KCTD18: variants seen among roughly 807,000 people sequenced by gnomAD.
KCTD18 encodes the protein BTB/POZ domain-containing protein KCTD18.
KCTD18 carries 22 observed loss-of-function variants against 30.4 expected under a neutral mutation model. The ratio of observed to expected loss-of-function variants is 0.72; its 90% CI spans 0.52 to 1.03. KCTD18 has a LOEUF of 1.03. Ranked by LOEUF, KCTD18 falls within the 50% of genes least tolerant of loss-of-function variation. The pLI, the probability that KCTD18 is intolerant of heterozygous loss-of-function variation, is 0.00. For synonymous variants in KCTD18, 186 were observed against 209.0 expected (o/e 0.89, Z 0.95); for missense variants, 529 against 547.6 (o/e 0.97, Z 0.34).
intron 4 of KCTD18, among the ~76,000 whole-genome samples, chr2:200,498,179 T>C (rs2106280052): frequency 6.6e-6 from 1 of 152,266 alleles, no homozygotes; most frequent in African/African-American, 2.4e-5. Context: ...AATATTCACG[T>C]TTCACCAGCA....
chr2:200,490,730 G>T (rs1193515512), intron 6 of KCTD18, 114 bp from the exon 7 acceptor site: 4 of 1,203,772 alleles, frequency 3.3e-6, no homozygotes, highest in African/African-American at 3.0e-5. Context: ...GAATTAAAGA[G>T]TCAAGAGGTT....
At chr2:200,504,662 G>C (rs933023323) in intron 3 of KCTD18, 86 bp downstream of exon 3, 1 of 942,184 alleles carries the variant, frequency 1.1e-6, no homozygotes, top group Non-Finnish European at 1.6e-6. Context: ...TTTGGTTAAT[G>C]TGAAAACACA....
intron 5 of KCTD18, among the ~76,000 whole-genome samples, chr2:200,494,551 T>C (rs1574798138): frequency 6.6e-6 from 1 of 152,208 alleles, no homozygotes; most frequent in Non-Finnish European, 1.5e-5. Flanking sequence ...GATAGACATA[T>C]CTGATACTCA....
intron 5 of KCTD18, among the ~76,000 whole-genome samples, chr2:200,495,603 T>TA (rs1236869278): frequency 1.3e-5 from 2 of 152,144 alleles, no homozygotes; most frequent in Admixed American, 6.5e-5. Flanking sequence ...ATCTGGTATA[T>TA]AAAAAATTGT....
At chr2:200,493,338 T>C (rs963822650) in intron 5 of KCTD18, 64 bp from the exon 6 acceptor site, 3 of 976,290 alleles carry the variant, frequency 3.1e-6, no homozygotes, top group Non-Finnish European at 5.0e-6. Context: ...AGCAACACTG[T>C]TTCGCCTAAG....
At chr2:200,501,498 AAAG>A (rs2088084252) in intron 3 of KCTD18, among the ~76,000 whole-genome samples, 1 of 142,406 alleles carries the variant, frequency 7.0e-6, no homozygotes, top group Non-Finnish European at 1.5e-5. Context: ...ACACTTCTCA[AAAG>A]AAGACATTTA....
chr2:200,509,710 G>A lies in KCTD18; in HGVS notation c.-158C>T, dbSNP rs2030415750. On this transcript the variant is annotated 5_prime_UTR_variant, in exon 1 of 7. Transcript: ENST00000359878. ...CAGTTCCTCAGAAAGTCTGAGGAGG[G>A]GTCGGGATCTGCCCGCGAACCCCAC... is the stretch of plus-strand genomic sequence containing the variant. The A allele has an allele frequency of 6.6e-6, 1 of 152,254 alleles. No homozygotes were observed. The highest frequency in any genetic ancestry group is 1.5e-5 in the Non-Finnish European group (1 of 68,078). The allele number at this position is 152,254 out of a possible 1,614,324, so 9.4% of individuals were successfully genotyped here.
intron 5 of KCTD18, among the ~76,000 whole-genome samples, chr2:200,495,607 A>T (rs1159809587): frequency 6.6e-6 from 1 of 152,192 alleles, no homozygotes; most frequent in Non-Finnish European, 1.5e-5. Flanking sequence ...GGTATATAAA[A>T]AATTGTTTTT....
chr2:200,502,651 A>C (rs1052275053), intron 3 of KCTD18, among the ~76,000 whole-genome samples: 5 of 152,220 alleles, frequency 3.3e-5, no homozygotes, highest in Admixed American at 2.0e-4. Context: ...ACAATGAACA[A>C]TGGTGAGACA....
chr2:200,493,228 A>T lies in KCTD18; in HGVS notation c.708T>A (p.Thr236=). Residue 236 remains threonine (T), a synonymous_variant, in exon 6 of 7, where the codon ACT becomes ACA. Coordinates refer to ENST00000359878, the MANE Select transcript of KCTD18 (RefSeq NM_152387.4). ...TTCCAAGTAAAGGCCGTTCTTCTAG[A>T]GTCCAACACTCTATCAGCTCATGAG... ...RVPHELIECW[T]LEERPLLGSL... The T allele has an allele frequency of 6.2e-7, 1 of 1,613,542 alleles. No homozygotes were observed. The highest frequency in any genetic ancestry group is 8.5e-7 in the Non-Finnish European group (1 of 1,179,638).
At chr2:200,492,511 C>T (rs1453966040) in intron 6 of KCTD18, among the ~76,000 whole-genome samples, 1 of 152,160 alleles carries the variant, frequency 6.6e-6, no homozygotes, top group South Asian at 2.1e-4. Flanking sequence ...AGCATCTCCG[C>T]ATTTCAGTGA....
intron 5 of KCTD18, among the ~76,000 whole-genome samples, chr2:200,495,705 C>A (rs891442874): frequency 6.6e-6 from 1 of 151,812 alleles, no homozygotes; most frequent in African/African-American, 2.4e-5. Context: ...TGGTCATGAA[C>A]CTTGTAATTT....
intron 1 of KCTD18, among the ~76,000 whole-genome samples, chr2:200,508,001 A>G (rs558310226): frequency 6.6e-6 from 1 of 152,310 alleles, no homozygotes; most frequent in Non-Finnish European, 1.5e-5. Flanking sequence ...GTAGACCAGT[A>G]GCCAGGCCAG....
intron 3 of KCTD18, among the ~76,000 whole-genome samples, chr2:200,503,869 A>G (rs563390279): frequency 1.2e-3 from 176 of 152,348 alleles, no homozygotes; most frequent in Non-Finnish European, 2.2e-3. Flanking sequence ...TAGATGCTCA[A>G]AAGTGCTAAT....
intron 3 of KCTD18, among the ~76,000 whole-genome samples, chr2:200,499,684 G>A (rs1291030206): frequency 2.0e-5 from 3 of 151,398 alleles, no homozygotes; most frequent in Admixed American, 6.6e-5. Flanking sequence ...ATTCACAGCC[G>A]AATTCTACCA....
intron 6 of KCTD18, among the ~76,000 whole-genome samples, chr2:200,492,940 C>T (rs1236803217): frequency 6.6e-6 from 1 of 152,026 alleles, no homozygotes; most frequent in African/African-American, 2.4e-5. Context: ...ATCACTCTCT[C>T]AATAAGAACA....
intron 5 of KCTD18, chr2:200,496,439 G>A (rs955823622): frequency 6.6e-6 from 1 of 152,502 alleles, no homozygotes; most frequent in Admixed American, 6.5e-5. Flanking sequence ...GTTGAGGAAA[G>A]GAAGAAGGAC....
intron 5 of KCTD18, among the ~76,000 whole-genome samples, chr2:200,495,453 A>AT (rs2087985175): frequency 6.6e-6 from 1 of 152,204 alleles, no homozygotes; most frequent in Non-Finnish European, 1.5e-5. Flanking sequence ...CTTAAGATAG[A>AT]TAAGATAGAT....
chr2:200,507,436 G>A (rs2347860), intron 1 of KCTD18, among the ~76,000 whole-genome samples: 3 of 152,222 alleles, frequency 2.0e-5, no homozygotes, highest in Non-Finnish European at 4.4e-5. Context: ...GTCTGAGGGA[G>A]CCTCTAGACT....
Sources: allele counts gnomAD v4.1 joint callset (sites outside exome capture counted in the v4.1 genomes callset), GRCh38; gene constraint gnomAD v4.1.1; transcripts MANE v1.5; gene names NCBI Gene and HGNC (gene_info 2026-07-23, HGNC 2026-07-21).